PCDH11X: variants seen among roughly 807,000 people sequenced by gnomAD.
PCDH11X encodes the protein protocadherin-11 X-linked.
In PCDH11X, 18 loss-of-function variants were observed where a neutral mutation model predicts 53.3. The observed-to-expected ratio is 0.34, with a 90% CI of 0.23 to 0.50. The LOEUF is 0.50. Among genes scored for constraint, PCDH11X ranks in the 20% least tolerant of loss-of-function variants. The pLI, the probability that PCDH11X is intolerant of heterozygous loss-of-function variation, is 0.98. For missense variants in PCDH11X, 570 were observed against 1,032.4 expected (o/e 0.55, Z 6.14); for synonymous variants, 279 against 393.3 (o/e 0.71, Z 3.44).
At chrX:92,238,427 T>TA (rs2067208184) in intron 7 of PCDH11X, among the ~76,000 whole-genome samples, 2 of 111,623 alleles carry the variant, frequency 1.8e-5, no homozygotes, top group African/African-American at 6.5e-5. Flanking sequence ...GCATTAGTCC[T>TA]ATTTTTGCCA....
intron 1 of PCDH11X, among the ~76,000 whole-genome samples, chrX:91,780,795 G>T (rs748091364): frequency 8.8e-6 from 1 of 113,046 alleles, no homozygotes; most frequent in Non-Finnish European, 1.9e-5. Context: ...GTCCGCCCGG[G>T]TTGCGGCTGG....
intron 10 of PCDH11X, among the ~76,000 whole-genome samples, chrX:92,586,283 T>A (rs1924374550): frequency 9.2e-6 from 1 of 108,645 alleles, no homozygotes; most frequent in South Asian, 4.1e-4. Context: ...CCGAGAATTG[T>A]GTTTTTTTCA....
chrX:92,617,479 A>G (rs1326918816), intron 10 of PCDH11X, among the ~76,000 whole-genome samples: 3 of 111,257 alleles, frequency 2.7e-5, no homozygotes, highest in African/African-American at 9.8e-5. Flanking sequence ...TTGTCATATA[A>G]TGTATTTCTT....
chrX:91,880,151 A>C (rs1277773083), intron 6 of PCDH11X, among the ~76,000 whole-genome samples: 31 of 110,934 alleles, frequency 2.8e-4, no homozygotes, highest in African/African-American at 1.0e-3. Flanking sequence ...GCCTTTTATC[A>C]GTGTTCCATG....
chrX:92,274,395 G>C (rs928679832), intron 8 of PCDH11X, among the ~76,000 whole-genome samples: 5 of 110,560 alleles, frequency 4.5e-5, no homozygotes, highest in South Asian at 3.8e-4. Flanking sequence ...AATAAAGGCT[G>C]GTCTGTTATC....
intron 10 of PCDH11X, among the ~76,000 whole-genome samples, chrX:92,533,023 A>G (rs1268333409): frequency 2.7e-5 from 3 of 110,486 alleles, no homozygotes; most frequent in African/African-American, 9.9e-5. Flanking sequence ...CCCTCCCACA[A>G]CACATGGGAA....
chrX:92,483,711 A>G (rs2073555784), intron 10 of PCDH11X, among the ~76,000 whole-genome samples: 1 of 100,343 alleles, frequency 1.0e-5, no homozygotes, highest in Non-Finnish European at 2.0e-5. Flanking sequence ...TTCATAAATT[A>G]CATATCGATG....
intron 6 of PCDH11X, among the ~76,000 whole-genome samples, chrX:92,087,459 G>A (rs1219821333): frequency 1.8e-5 from 2 of 110,279 alleles, no homozygotes; most frequent in Non-Finnish European, 3.8e-5. Flanking sequence ...CTGGGCTCAA[G>A]GAACACAAAA....
intron 6 of PCDH11X, among the ~76,000 whole-genome samples, chrX:92,136,213 G>A (rs2065080369): frequency 2.7e-5 from 3 of 110,751 alleles, no homozygotes; most frequent in Admixed American, 2.0e-4. Context: ...TGAAAGACTT[G>A]AGGGAGTAAT....
intron 6 of PCDH11X, among the ~76,000 whole-genome samples, chrX:92,013,059 G>A (rs752602548): frequency 1.9e-3 from 206 of 111,071 alleles, no homozygotes; most frequent in African/African-American, 6.6e-3. Context: ...GGAAATAAAG[G>A]GTATTCAATT....
chrX:92,425,281 T>A (rs1208705785), intron 9 of PCDH11X, among the ~76,000 whole-genome samples: 4 of 110,130 alleles, frequency 3.6e-5, no homozygotes, highest in Non-Finnish European at 5.7e-5. Context: ...ATAATGTAGG[T>A]GAATTACAGT....
chrX:92,564,236 G>A (rs1921184855), intron 10 of PCDH11X, among the ~76,000 whole-genome samples: 1 of 108,309 alleles, frequency 9.2e-6, no homozygotes, highest in Admixed American at 1.0e-4. Flanking sequence ...TCAACTATCA[G>A]TCACGCTTTT....
At chrX:92,226,743 G>A (rs1397582286) in intron 7 of PCDH11X, among the ~76,000 whole-genome samples, 1 of 110,550 alleles carries the variant, frequency 9.0e-6, no homozygotes, top group African/African-American at 3.3e-5. Flanking sequence ...CAGACGGGAG[G>A]GCAGGAGAAC....
intron 6 of PCDH11X, among the ~76,000 whole-genome samples, chrX:91,929,882 G>A (rs1942067422): frequency 9.0e-6 from 1 of 110,989 alleles, no homozygotes; most frequent in African/African-American, 3.3e-5. Context: ...ACATGTTGGT[G>A]ATTCTGTATT....
intron 5 of PCDH11X, among the ~76,000 whole-genome samples, chrX:91,845,472 G>A (rs1305952952): frequency 9.3e-6 from 1 of 107,981 alleles, no homozygotes; most frequent in Non-Finnish European, 1.9e-5. Flanking sequence ...TCTCCAAGTT[G>A]AAGAAGTAAC....
At chrX:91,808,545 T>C (rs1458865003) in intron 1 of PCDH11X, among the ~76,000 whole-genome samples, 1 of 110,267 alleles carries the variant, frequency 9.1e-6, no homozygotes, top group Non-Finnish European at 1.9e-5. Context: ...CATTGATAAA[T>C]CTATCACTAA....
chrX:91,949,503 A>G (rs887794475), intron 6 of PCDH11X, among the ~76,000 whole-genome samples: 26 of 110,759 alleles, frequency 2.3e-4, no homozygotes, highest in African/African-American at 8.5e-4. Flanking sequence ...AAAAAACATT[A>G]AAACAAATTC....
chrX:92,373,387 C>T (rs941639954), intron 8 of PCDH11X, among the ~76,000 whole-genome samples: 1 of 111,228 alleles, frequency 9.0e-6, no homozygotes, highest in African/African-American at 3.3e-5. Context: ...TTTCTGTCCT[C>T]GAAGACAAGT....
At chrX:92,513,752 C>A (rs1484607056) in intron 10 of PCDH11X, among the ~76,000 whole-genome samples, 5 of 111,215 alleles carry the variant, frequency 4.5e-5, no homozygotes, top group Non-Finnish European at 9.4e-5. Context: ...TTTACAGATT[C>A]TTTGAAGTAT....
Sources: gnomAD v4.1 joint callset for allele counts (sites outside exome capture counted in the v4.1 genomes callset) on GRCh38, gnomAD v4.1.1 for gene constraint, MANE v1.5 for transcripts, NCBI Gene and HGNC (gene_info 2026-07-23, HGNC 2026-07-21) for gene names.